The following R3HDM2 variants were observed in gnomAD, a reference collection of about 807,000 sequenced individuals.
R3HDM2 encodes the protein R3H domain-containing protein 2.
In R3HDM2, 38 loss-of-function variants were observed where a neutral mutation model predicts 124.5. The ratio of observed to expected loss-of-function variants is 0.31; its 90% CI spans 0.24 to 0.40. The LOEUF (loss-of-function observed/expected upper bound fraction) is 0.40. Among genes scored for constraint, R3HDM2 ranks in the 10% least tolerant of loss-of-function variants. The probability of loss-of-function intolerance (pLI) is 1.00; values close to 1 mark genes in which losing one functional copy is unlikely to be tolerated. For synonymous variants in R3HDM2, 391 were observed against 448.0 expected (o/e 0.87, Z 1.61); for missense variants, 869 against 1,236.9 (o/e 0.70, Z 4.46).
intron 2 of R3HDM2, 40 bp from the exon 3 acceptor site, chr12:57,310,503 C>T (rs2053676271): frequency 9.0e-7 from 1 of 1,114,396 alleles, no homozygotes; most frequent in Non-Finnish European, 1.2e-6. Context: ...AGGTATGTAT[C>T]CATACTTAAC....
chr12:57,392,804 CTTTTTTTT>C (rs1183514418), intron 2 of R3HDM2, among the ~76,000 whole-genome samples: 21 of 127,526 alleles, frequency 1.6e-4, no homozygotes, highest in Non-Finnish European at 2.3e-4. Flanking sequence ...CTATAGTACA[CTTTTTTTT>C]TTTTTTTTTT....
At chr12:57,338,166 G>A (rs1297628321) in intron 2 of R3HDM2, among the ~76,000 whole-genome samples, 2 of 152,132 alleles carry the variant, frequency 1.3e-5, no homozygotes, top group Non-Finnish European at 2.9e-5. Flanking sequence ...ATCCGGGCAT[G>A]GTGGCGCATG....
At chr12:57,268,885 G>T in intron 17 of R3HDM2, 37 bp downstream of exon 17, 1 of 1,604,526 alleles carries the variant, frequency 6.2e-7, no homozygotes, top group Non-Finnish European at 8.5e-7. Flanking sequence ...TCATGCCAAG[G>T]ACTGGGGTGA....
chr12:57,375,582 G>A (rs1415694047), intron 2 of R3HDM2, among the ~76,000 whole-genome samples: 1 of 151,894 alleles, frequency 6.6e-6, no homozygotes, highest in African/African-American at 2.4e-5. Context: ...TAGACTCTAT[G>A]AGTAAATACT....
intron 2 of R3HDM2, among the ~76,000 whole-genome samples, chr12:57,363,009 G>T (rs1296873831): frequency 6.6e-6 from 1 of 152,064 alleles, no homozygotes; most frequent in Non-Finnish European, 1.5e-5. Context: ...TTTTATTAGA[G>T]ATGGGGTTTC....
intron 1 of R3HDM2, among the ~76,000 whole-genome samples, chr12:57,407,656 C>G (rs139380323): frequency 5.3e-5 from 8 of 152,086 alleles, no homozygotes. Context: ...CCACCCGCCT[C>G]GGCCTCCCAA....
rs2053482461 is a variant in R3HDM2 at position 57,309,551 on chromosome 12, C to T, written c.165+713G>A. On this transcript the variant is annotated intron_variant, in intron 3 of 23. Transcript: ENST00000402412. ...ACTCACATTTACCAAGTGGCAAGTT[C>T]AGAGGCTATTTCTGACCCAGAAAAA... Among the ~76,000 whole-genome samples the T allele has an allele frequency of 2.0e-5, 3 of 152,198 alleles. No individual in the cohort carries two copies. In the South Asian group the frequency reaches 6.2e-4, roughly 32 times the overall value.
At chr12:57,342,553 C>T (rs997357237) in intron 2 of R3HDM2, among the ~76,000 whole-genome samples, 6 of 152,244 alleles carry the variant, frequency 3.9e-5, no homozygotes, top group East Asian at 3.9e-4. Context: ...CTCCTCTTCT[C>T]GCTCTCATTC....
At chr12:57,430,137 T>C (rs372960487) in intron 1 of R3HDM2, among the ~76,000 whole-genome samples, 3 of 152,212 alleles carry the variant, frequency 2.0e-5, no homozygotes, top group African/African-American at 7.2e-5. Context: ...TCAGTATTCC[T>C]GGTAGTTCCG....
In R3HDM2 at chr12:57,419,445, C is replaced by CA. The variant is rs1555319020; in HGVS notation, c.-106+11274_-106+11275insT. Among the ~76,000 whole-genome samples, 477 of 144,060 alleles carry CA rather than the reference C, an allele frequency of 3.3e-3. 2 individuals are homozygous for CA. Among genetic ancestry groups the CA allele is most frequent in the Non-Finnish European group, 4.4e-3 (288 of 65,236 alleles). The allele number at this position is 144,060 out of a possible 152,430, so 94.5% of individuals were successfully genotyped here. A position where few individuals can be genotyped will look rare whatever the true frequency, so the allele number is the denominator to read the frequency against. On this transcript the variant is annotated intron_variant, in intron 1 of 23. Coordinates refer to ENST00000402412, the MANE Select transcript of R3HDM2 (RefSeq NM_001394031.1). ...GGCATGAGCCACTGTATCTGGCCAT[C>CA]TTTTTTTTTTTTTAGAGACAGGGTC... is the stretch of plus-strand genomic sequence containing the variant.
intron 1 of R3HDM2, among the ~76,000 whole-genome samples, chr12:57,400,326 CG>C (rs1282249910): frequency 6.6e-6 from 1 of 151,878 alleles, no homozygotes; most frequent in Admixed American, 6.6e-5. Context: ...AGCAAACTAT[CG>C]CAAGGACAAA....
chr12:57,288,830 G>A, intron 12 of R3HDM2, 179 bp downstream of exon 12: 1 of 1,517,540 alleles, frequency 6.6e-7, no homozygotes, highest in Non-Finnish European at 8.9e-7. Context: ...AAAATAAAAA[G>A]GAGAGATATA....
chr12:57,297,294 A>T, intron 8 of R3HDM2, 34 bp downstream of exon 8: 1 of 1,178,096 alleles, frequency 8.5e-7, no homozygotes, highest in Non-Finnish European at 1.2e-6. Flanking sequence ...GCCCCCTCCC[A>T]CCTCTAATTA....
intron 2 of R3HDM2, among the ~76,000 whole-genome samples, chr12:57,375,775 C>T (rs1163042706): frequency 6.6e-6 from 1 of 151,316 alleles, no homozygotes; most frequent in Admixed American, 6.6e-5. Context: ...CTGGTTCAAG[C>T]AATTCTCCCG....
chr12:57,416,943 C>T (rs1260544442), intron 1 of R3HDM2, among the ~76,000 whole-genome samples: 1 of 151,958 alleles, frequency 6.6e-6, no homozygotes, highest in Non-Finnish European at 1.5e-5. Context: ...AACCCCATCT[C>T]TACTAAAAAT....
At chr12:57,395,124 CA>C (rs1233554489) in intron 2 of R3HDM2, among the ~76,000 whole-genome samples, 1 of 151,970 alleles carries the variant, frequency 6.6e-6, no homozygotes, top group African/African-American at 2.4e-5. Flanking sequence ...GCAGGAGAAT[CA>C]TTTGAACTCA....
chr12:57,412,411 G>C (rs1296404053), intron 1 of R3HDM2, among the ~76,000 whole-genome samples: 1 of 152,028 alleles, frequency 6.6e-6, no homozygotes, highest in African/African-American at 2.4e-5. Context: ...AAGCATGGTG[G>C]CACACGCCTG....
intron 2 of R3HDM2, among the ~76,000 whole-genome samples, chr12:57,372,793 C>T (rs982857024): frequency 1.3e-5 from 2 of 152,122 alleles, no homozygotes; most frequent in East Asian, 1.9e-4. Flanking sequence ...TTCCTTTTTC[C>T]ACCTCTAATA....
At chr12:57,256,643 G>A (rs571418696) in intron 21 of R3HDM2, 132 bp from the exon 22 acceptor site, 17 of 639,760 alleles carry the variant, frequency 2.7e-5, no homozygotes, top group African/African-American at 1.7e-4. Flanking sequence ...ATGCCCATGC[G>A]ACTGGTATAA....
Sources: gnomAD v4.1 joint callset for allele counts (sites outside exome capture counted in the v4.1 genomes callset) on GRCh38, gnomAD v4.1.1 for gene constraint, MANE v1.5 for transcripts, NCBI Gene and HGNC (gene_info 2026-07-23, HGNC 2026-07-21) for gene names.